The following AUH variants were observed in gnomAD, a reference collection of about 807,000 sequenced individuals.
AUH encodes the protein AU RNA binding methylglutaconyl-CoA hydratase, also known as methylglutaconyl-CoA hydratase, mitochondrial.
AUH carries 29 observed loss-of-function variants against 42.3 expected under a neutral mutation model. That is an observed-to-expected ratio of 0.69 (90% CI 0.51 to 0.93). The LOEUF is 0.93. Among genes scored for constraint, AUH ranks in the 40% least tolerant of loss-of-function variants. The pLI is 0.00. For missense variants in AUH, 452 were observed against 438.1 expected (o/e 1.03, Z -0.28); for synonymous variants, 174 against 166.4 (o/e 1.05, Z -0.35).
chr9:91,252,084 C>T (rs1053093888), intron 6 of AUH, among the ~76,000 whole-genome samples: 3 of 151,984 alleles, frequency 2.0e-5, no homozygotes, highest in African/African-American at 7.3e-5. Context: ...CTTCTGCCTC[C>T]GCCTCCTCAG....
intron 6 of AUH, among the ~76,000 whole-genome samples, chr9:91,228,110 A>G (rs924002109): frequency 1.2e-4 from 19 of 152,164 alleles, no homozygotes; most frequent in Non-Finnish European, 8.8e-5. Flanking sequence ...ATTGATTGGC[A>G]TAGTTTCAGA....
intron 6 of AUH, among the ~76,000 whole-genome samples, chr9:91,282,277 T>G (rs1242923956): frequency 6.6e-6 from 1 of 152,214 alleles, no homozygotes; most frequent in Non-Finnish European, 1.5e-5. Context: ...AAATGGGGTT[T>G]GCTCTGACCT....
At chr9:91,356,979 G>A (rs1832458092) in intron 1 of AUH, among the ~76,000 whole-genome samples, 1 of 152,222 alleles carries the variant, frequency 6.6e-6, no homozygotes, top group Middle Eastern at 3.2e-3. Context: ...TTGCAACTGA[G>A]CTAAACTGAA....
chr9:91,239,878 C>G (rs1828407770), intron 6 of AUH, among the ~76,000 whole-genome samples: 1 of 152,082 alleles, frequency 6.6e-6, no homozygotes, highest in Non-Finnish European at 1.5e-5. Flanking sequence ...GGTAGAGAAG[C>G]CTTTAGCAAT....
chr9:91,299,063 CA>C (rs1827577362), intron 4 of AUH, among the ~76,000 whole-genome samples: 1 of 152,018 alleles, frequency 6.6e-6, no homozygotes, highest in South Asian at 2.1e-4. Flanking sequence ...TACAAAAATA[CA>C]AAAATTAGCC....
Position 91,355,927 on chromosome 9 carries a change from C to A in AUH, c.374G>T (p.Arg125Leu). 1 of 1,613,232 alleles carries A rather than the reference C, an allele frequency of 6.2e-7. No individual in the cohort carries two copies. Among genetic ancestry groups the A allele is most frequent in the Non-Finnish European group, 8.5e-7 (1 of 1,179,560 alleles). ...GACTTCACTCCTGATTATTATGGTC[C>A]GTACTTTCTTATCAGATTTCAAAGC... ...VDALKSDKKVRTIIIRSEVPG... is the reference protein window; with the variant it reads ...VDALKSDKKVLTIIIRSEVPG... The change falls in exon 3 of 10, where the codon CGG (arginine) becomes CTG (leucine). Residue 125 changes from arginine to leucine, a missense_variant. Coordinates refer to ENST00000375731, the MANE Select transcript of AUH (RefSeq NM_001698.3).
rs1251775814 is a variant in AUH, at chr9:91,356,176, G to A, written c.263-21C>T. 1.9e-6 allele frequency: 3 copies of A among 1,607,126 alleles called. No individual in the cohort carries two copies. In the African/African-American group the frequency reaches 4.0e-5, roughly 21 times the overall value. On this transcript the variant is annotated intron_variant, in intron 1 of 9. Transcript: ENST00000375731. ...AATTCCTAGTTAAAGGGGAAAAAAA[G>A]TACAAGCACTTGAGTGAGCAAGGCA...
intron 4 of AUH, among the ~76,000 whole-genome samples, chr9:91,321,097 G>A (rs547615417): frequency 6.6e-6 from 1 of 152,144 alleles, no homozygotes; most frequent in Admixed American, 6.5e-5. Context: ...TTTTTATTTT[G>A]AAATGTATTT....
chr9:91,253,674 A>G (rs1181772570), intron 6 of AUH, among the ~76,000 whole-genome samples: 1 of 152,192 alleles, frequency 6.6e-6, no homozygotes, highest in Non-Finnish European at 1.5e-5. Flanking sequence ...AGAGCTAAGG[A>G]CTGCAGTCAT....
At chr9:91,305,739 A>C (rs1430067107) in intron 4 of AUH, among the ~76,000 whole-genome samples, 1 of 152,198 alleles carries the variant, frequency 6.6e-6, no homozygotes, top group Non-Finnish European at 1.5e-5. Flanking sequence ...ATGCTGTAAG[A>C]ACTCATGACT....
At chr9:91,227,275 G>C (rs1827560325) in intron 6 of AUH, among the ~76,000 whole-genome samples, 1 of 139,926 alleles carries the variant, frequency 7.1e-6, no homozygotes, top group African/African-American at 2.5e-5. Context: ...CACATCCCTT[G>C]TAAGTTGGAT....
intron 6 of AUH, among the ~76,000 whole-genome samples, chr9:91,245,850 G>GA (rs1828764068): frequency 6.6e-6 from 1 of 152,036 alleles, no homozygotes; most frequent in South Asian, 2.1e-4. Flanking sequence ...GTGCACCTTT[G>GA]ACCCCTGCGC....
chr9:91,257,672 T>C (rs1458771506), intron 6 of AUH, among the ~76,000 whole-genome samples: 1 of 152,244 alleles, frequency 6.6e-6, no homozygotes, highest in African/African-American at 2.4e-5. Context: ...CTCACACTAG[T>C]ATCCTGGTGT....
chr9:91,329,150 T>C (rs1830152542), intron 3 of AUH, among the ~76,000 whole-genome samples: 1 of 152,202 alleles, frequency 6.6e-6, no homozygotes, highest in African/African-American at 2.4e-5. Context: ...ATGACAGATA[T>C]TCATATCATT....
chr9:91,359,319 A>G (rs766692030), intron 1 of AUH, among the ~76,000 whole-genome samples: 37 of 152,246 alleles, frequency 2.4e-4, no homozygotes, highest in South Asian at 6.2e-4. Flanking sequence ...TCACAGTTAC[A>G]TGTAATGTAA....
At chr9:91,220,309 CT>C (rs746506035) in intron 7 of AUH, among the ~76,000 whole-genome samples, 4 of 152,228 alleles carry the variant, frequency 2.6e-5, no homozygotes, top group Non-Finnish European at 4.4e-5. Context: ...AGACAAACAA[CT>C]GCTGCTTTTC....
At chr9:91,274,429 A>G (rs550291764) in intron 6 of AUH, among the ~76,000 whole-genome samples, 1 of 152,216 alleles carries the variant, frequency 6.6e-6, no homozygotes, top group Non-Finnish European at 1.5e-5. Flanking sequence ...ACAGGATGTT[A>G]TAAGGTTCTT....
intron 3 of AUH, 36 bp downstream of exon 3, chr9:91,355,847 T>A (rs1564133806): frequency 1.3e-6 from 2 of 1,563,298 alleles, no homozygotes; most frequent in East Asian, 4.5e-5. Context: ...AAAATCAGAC[T>A]ACAGTTTAAT....
At chr9:91,350,114 C>T (rs193170125) in intron 3 of AUH, among the ~76,000 whole-genome samples, 2 of 152,182 alleles carry the variant, frequency 1.3e-5, no homozygotes, top group African/African-American at 4.8e-5. Context: ...TCTGTGACAA[C>T]TATGACATAT....
Sources: allele counts gnomAD v4.1 joint callset (sites outside exome capture counted in the v4.1 genomes callset), GRCh38; gene constraint gnomAD v4.1.1; transcripts MANE v1.5; gene names NCBI Gene and HGNC (gene_info 2026-07-23, HGNC 2026-07-21).